GPR20: variants seen among roughly 807,000 people sequenced by gnomAD.
GPR20 encodes CTD-3064M3.3.
For synonymous variants in GPR20, 241 were observed against 241.9 expected (o/e 1.00, Z 0.04); for missense variants, 494 against 527.4 (o/e 0.94, Z 0.62).
chr8:141,361,807 C>T (rs1422426957), intron 1 of GPR20, among the ~76,000 whole-genome samples: 1 of 143,598 alleles, frequency 7.0e-6, no homozygotes, highest in African/African-American at 2.8e-5. Context: ...AGGTGTGCTG[C>T]GGCATCTCTT....
At chr8:141,358,511 G>T (rs527957367) in intron 1 of GPR20, among the ~76,000 whole-genome samples, 1 of 152,330 alleles carries the variant, frequency 6.6e-6, no homozygotes, top group East Asian at 1.9e-4. Context: ...ACCCAGTTCT[G>T]CTGGGACAGA....
intron 1 of GPR20, among the ~76,000 whole-genome samples, chr8:141,366,802 G>C (rs190232400): frequency 5.6e-4 from 86 of 152,342 alleles, no homozygotes; most frequent in African/African-American, 2.0e-3. Flanking sequence ...GGCTTGGCCT[G>C]TGGGCCACCC....
At chr8:141,359,501 G>A (rs1489820618) in intron 1 of GPR20, among the ~76,000 whole-genome samples, 1 of 152,204 alleles carries the variant, frequency 6.6e-6, no homozygotes, top group Non-Finnish European at 1.5e-5. Context: ...GTGCTGCCCA[G>A]GCCTGTGCCC....
rs1346298161 is a variant in GPR20, at chr8:141,357,845, C to A, written c.79G>T (p.Ala27Ser). 6.2e-7 allele frequency: 1 copy of A among 1,612,838 alleles called. No homozygotes were observed. Among genetic ancestry groups the A allele is most frequent in the Non-Finnish European group, 8.5e-7 (1 of 1,179,750 alleles). The change falls in exon 2 of 2, where the codon GCC becomes TCC. Residue 27 changes from alanine to serine, a missense_variant. Ala to Ser is a moderately conservative substitution (Grantham distance 99, BLOSUM62 1). Coordinates refer to ENST00000377741, the MANE Select transcript of GPR20 (RefSeq NM_005293.3). ...ATAVTTVRTN[A>S]SGLEVPLFHL... ...AACAGGGGCACCTCCAGCCCGCTGG[C>A]ATTGGTCCGCACTGTTGTCACTGCG...
At position 141,357,092 on chromosome 8, in the gene GPR20, C is replaced by T. The variant is rs1311139522; in HGVS notation, c.832G>A (p.Val278Ile). The change falls in exon 2 of 2, where the codon GTC becomes ATC. Residue 278 changes from valine (V) to isoleucine (I), a missense_variant. Val to Ile is a conservative substitution (Grantham distance 29). Transcript: ENST00000377741. ...PDMPHHTSLV[V>I]YHVAVTLSSL... ...CTGAGGGTCACGGCCACGTGGTAGA[C>T]CACGAGGCTCGTGTGGTGTGGCATG... 4.3e-6 allele frequency: 7 copies of T among 1,612,384 alleles called. No individual in the cohort carries two copies. Among genetic ancestry groups the T allele is most frequent in the Non-Finnish European group, 5.9e-6 (7 of 1,179,916 alleles).
chr8:141,358,170 C>T (rs1431996316), intron 1 of GPR20, among the ~76,000 whole-genome samples: 2 of 152,258 alleles, frequency 1.3e-5, no homozygotes, highest in African/African-American at 2.4e-5. Context: ...GACGCGTGTT[C>T]AAATTCCAGG....
chr8:141,356,655 A>G lies in GPR20; in HGVS notation c.*192T>C. The stretch of plus-strand genomic sequence containing the variant: ...AAATCACCGGCATTCAGGCCACCAC[A>G]TCCCATCGGAGCCAGTGGCAGACAT... On this transcript the variant is annotated 3_prime_UTR_variant, in exon 2 of 2. Transcript: ENST00000377741. The G allele has an allele frequency of 1.9e-6, 1 of 522,086 alleles. No individual in the cohort carries two copies. The highest frequency in any genetic ancestry group is 3.4e-6 in the Non-Finnish European group (1 of 297,182). The allele number at this position is 522,086 out of a possible 1,614,324, so 32.3% of individuals were successfully genotyped here.
In GPR20 at chr8:141,357,717, C is replaced by T; in HGVS notation, c.207G>A (p.Val69=). 1 of 1,613,404 alleles carries T rather than the reference C, an allele frequency of 6.2e-7. No homozygotes were observed. Among genetic ancestry groups the T allele is most frequent in the Non-Finnish European group, 8.5e-7 (1 of 1,179,966 alleles). Residue 69 remains valine, a synonymous_variant, in exon 2 of 2, where the codon GTG becomes GTA. Coordinates refer to ENST00000377741, the MANE Select transcript of GPR20 (RefSeq NM_005293.3). ...AGACGTACAGCGCCAGCCCGTTGAG[C>T]ACCAGCCCTGCCAGGAAGATGGCTC... ...VHGAIFLAGL[V]LNGLALYVFC...
At chr8:141,359,722 G>A (rs1831705229) in intron 1 of GPR20, among the ~76,000 whole-genome samples, 1 of 152,170 alleles carries the variant, frequency 6.6e-6, no homozygotes, top group Non-Finnish European at 1.5e-5. Context: ...AGAGGAGGCT[G>A]GGCACATGGG....
At chr8:141,363,724 G>C (rs1179875587) in intron 1 of GPR20, among the ~76,000 whole-genome samples, 2 of 152,206 alleles carry the variant, frequency 1.3e-5, no homozygotes, top group African/African-American at 4.8e-5. Context: ...TCTCTTCCCT[G>C]GGCTCCTCTC....
intron 1 of GPR20, among the ~76,000 whole-genome samples, chr8:141,366,781 A>G (rs1046768676): frequency 6.6e-6 from 1 of 152,048 alleles, no homozygotes; most frequent in Non-Finnish European, 1.5e-5. Flanking sequence ...GGGTCCCCCA[A>G]CTCTGTCCCT....
Position 141,357,850 on chromosome 8 carries a change from G to A in GPR20, c.74C>T (p.Thr25Ile), listed in dbSNP as rs377253856. The A allele has an allele frequency of 2.0e-5, 32 of 1,612,412 alleles. No homozygotes were observed. Among genetic ancestry groups the A allele is most frequent in the Admixed American group, 5.0e-5 (3 of 59,930 alleles). ...GGGCACCTCCAGCCCGCTGGCATTG[G>A]TCCGCACTGTTGTCACTGCGGTGGC... ...PNATAVTTVRTNASGLEVPLF... is the reference protein window; with the variant it reads ...PNATAVTTVRINASGLEVPLF... The change falls in exon 2 of 2, where the codon ACC (threonine) becomes ATC (isoleucine). Residue 25 changes from threonine to isoleucine, a missense_variant. Thr to Ile is a moderately conservative substitution (Grantham distance 89). Coordinates refer to ENST00000377741, the MANE Select transcript of GPR20 (RefSeq NM_005293.3).
In GPR20 at chr8:141,357,754, A is replaced by T. The variant is rs375294428; in HGVS notation, c.170T>A (p.Met57Lys). 1 of 1,613,108 alleles carries T rather than the reference A, an allele frequency of 6.2e-7. No individual in the cohort carries two copies. Among genetic ancestry groups the T allele is most frequent in the Non-Finnish European group, 8.5e-7 (1 of 1,179,968 alleles). The change falls in exon 2 of 2, where the codon ATG (methionine) becomes AAG (lysine). Residue 57 changes from methionine (M) to lysine (K), a missense_variant. Physicochemically the swap from Met to Lys is moderately conservative, Grantham distance 95. Coordinates refer to ENST00000377741, the MANE Select transcript of GPR20 (RefSeq NM_005293.3). Reference sequence around the variant, plus strand: ...CAGGAAGATGGCTCCGTGCACCGCCATCAGCGCCAGCCACAGGCCTGGGAA... The same window carrying T: ...CAGGAAGATGGCTCCGTGCACCGCCTTCAGCGCCAGCCACAGGCCTGGGAA... ...GTFPGLWLAL[M>K]AVHGAIFLAG... is the part of the protein sequence containing the mutation.
Position 141,357,169 on chromosome 8 carries a change from A to C in GPR20, c.755T>G (p.Val252Gly), listed in dbSNP as rs765934652. The change falls in exon 2 of 2, where the codon GTC (valine) becomes GGC (glycine). Residue 252 changes from valine (V) to glycine (G), a missense_variant. Transcript: ENST00000377741. ...GCGGGCGTGGAAGGGCGTGAAGCAG[A>C]CGAGAAAGATGATGAGCACCGTGAG... is the stretch of plus-strand genomic sequence containing the variant. ...LLLTVLIIFL[V>G]CFTPFHARQV... 2.5e-6 allele frequency: 4 copies of C among 1,605,848 alleles called. No homozygotes were observed. Among genetic ancestry groups the C allele is most frequent in the African/African-American group, 2.7e-5 (2 of 74,992 alleles).
At chr8:141,363,606 G>T (rs1019084025) in intron 1 of GPR20, among the ~76,000 whole-genome samples, 1 of 152,244 alleles carries the variant, frequency 6.6e-6, no homozygotes, top group African/African-American at 2.4e-5. Context: ...GCCATGGAAG[G>T]CCAGACCCCT....
intron 1 of GPR20, among the ~76,000 whole-genome samples, chr8:141,361,121 G>A (rs1470383403): frequency 6.6e-6 from 1 of 152,276 alleles, no homozygotes; most frequent in African/African-American, 2.4e-5. Context: ...GGCAGGGACT[G>A]GCACCGTGTC....
chr8:141,357,352 C>G lies in GPR20; in HGVS notation c.572G>C (p.Ser191Thr). The G allele has an allele frequency of 2.6e-6, 4 of 1,553,736 alleles. No individual in the cohort carries two copies. Among genetic ancestry groups the G allele is most frequent in the Non-Finnish European group, 3.5e-6 (4 of 1,154,184 alleles). The change falls in exon 2 of 2, where the codon AGC (serine) becomes ACC (threonine). Residue 191 changes from serine (S) to threonine (T), a missense_variant. Coordinates refer to ENST00000377741, the MANE Select transcript of GPR20 (RefSeq NM_005293.3). ...VTLSVLGVTGSRPCCRVFALT... is the reference protein window; with the variant it reads ...VTLSVLGVTGTRPCCRVFALT... ...CGCAAAGACACGGCAGCAGGGCCGG[C>G]TGCCTGTCACGCCCAGCACCGACAG...
In GPR20 at chr8:141,361,979, G is replaced by A. The variant is rs183898584; in HGVS notation, c.-24-4032C>T. 3.7e-3 allele frequency among the ~76,000 whole-genome samples: 557 copies of A among 152,302 alleles called. 7 individuals carry two copies. Among genetic ancestry groups the A allele is most frequent in the African/African-American group, 0.013 (535 of 41,568 alleles). On this transcript the variant is annotated intron_variant, in intron 1 of 1. Coordinates refer to ENST00000377741, the MANE Select transcript of GPR20 (RefSeq NM_005293.3). ...GGAGGATGTCCCTCATGCCCTCCCC[G>A]TAGGTATCACATCACAAAACAGCCG...
At chr8:141,367,021 C>G (rs1239300414) in intron 1 of GPR20, among the ~76,000 whole-genome samples, 180 bp downstream of exon 1, 3 of 152,252 alleles carry the variant, frequency 2.0e-5, no homozygotes, top group Non-Finnish European at 4.4e-5. Context: ...AAATGGCTCC[C>G]TGTCCAGCAG....
Sources: allele counts gnomAD v4.1 joint callset (sites outside exome capture counted in the v4.1 genomes callset), GRCh38; gene constraint gnomAD v4.1.1; transcripts MANE v1.5; gene names NCBI Gene and HGNC (gene_info 2026-07-23, HGNC 2026-07-21).